The following BCAS1 variants were observed in gnomAD, a reference collection of about 807,000 sequenced individuals.
BCAS1 encodes brain enriched myelin associated protein 1, also known as breast carcinoma-amplified sequence 1.
In BCAS1, 46 loss-of-function variants were observed where a neutral mutation model predicts 65.4. That is an observed-to-expected ratio of 0.70 (90% CI 0.55 to 0.90). BCAS1 has a LOEUF of 0.90. BCAS1 is among the 40% of genes least tolerant of loss of function. The probability of loss-of-function intolerance (pLI) is 0.00; values close to 1 mark genes in which losing one functional copy is unlikely to be tolerated. For synonymous variants in BCAS1, 298 were observed against 293.5 expected (o/e 1.02, Z -0.16); for missense variants, 793 against 771.2 (o/e 1.03, Z -0.33).
chr20:54,051,331 G>T (rs952496671), intron 3 of BCAS1, among the ~76,000 whole-genome samples: 1 of 152,160 alleles, frequency 6.6e-6, no homozygotes, highest in African/African-American at 2.4e-5. Flanking sequence ...GCAACAGGAG[G>T]GTGATGTGCT....
In BCAS1 at chr20:54,011,677, C is replaced by A. The variant is rs374250344; in HGVS notation, c.724-15627G>T. On this transcript the variant is annotated intron_variant, in intron 4 of 12. Coordinates refer to ENST00000688948, the MANE Select transcript of BCAS1 (RefSeq NM_001366298.2). ...TGGTAGAAATGTAAAGGGATACAGG[C>A]AGAATAGAAAACAGTTAGACAGTTT... Among the ~76,000 whole-genome samples the A allele has an allele frequency of 3.9e-5, 6 of 152,208 alleles. No individual in the cohort carries two copies. The South Asian group carries it at 1.2e-3, about 32-fold the overall frequency.
At chr20:54,048,251 A>G (rs2092146733) in intron 3 of BCAS1, among the ~76,000 whole-genome samples, 1 of 152,160 alleles carries the variant, frequency 6.6e-6, no homozygotes, top group African/African-American at 2.4e-5. Flanking sequence ...GATATGAACT[A>G]CTTTCCTTTG....
chr20:53,974,992 A>G (rs553676976), intron 9 of BCAS1, among the ~76,000 whole-genome samples: 20 of 152,276 alleles, frequency 1.3e-4, no homozygotes, highest in African/African-American at 4.1e-4. Context: ...TGCCCTGGGT[A>G]CCGCCCAAAG....
chr20:54,058,678 T>G lies in BCAS1; in HGVS notation c.41A>C (p.Gln14Pro), dbSNP rs2092335769. The G allele has an allele frequency of 1.2e-6, 2 of 1,611,854 alleles. No homozygotes were observed. The highest frequency in any genetic ancestry group is 4.5e-5 in the East Asian group (2 of 44,754). ...AGTCTCTGCTTCTGGTTCATTCTCT[T>G]GGTCTTCAACTCTTTGGGGAACACT... is the stretch of plus-strand genomic sequence containing the variant. ...QMSVPQRVED[Q>P]ENEPEAETYQ... The change falls in exon 2 of 13, where the codon CAA becomes CCA. Residue 14 changes from glutamine to proline, a missense_variant. Gln to Pro is a moderately conservative substitution (Grantham distance 76). Transcript: ENST00000688948.
At chr20:53,961,943 T>C (rs1475853584) in intron 10 of BCAS1, among the ~76,000 whole-genome samples, 1 of 152,192 alleles carries the variant, frequency 6.6e-6, no homozygotes, top group Non-Finnish European at 1.5e-5. Context: ...AGATACTGCG[T>C]GCAAAGTGCC....
chr20:54,065,865 C>T (rs2092434304), intron 1 of BCAS1, among the ~76,000 whole-genome samples: 1 of 152,050 alleles, frequency 6.6e-6, no homozygotes, highest in Non-Finnish European at 1.5e-5. Flanking sequence ...GGGTGTGGCC[C>T]ATGTGTTGTA....
At chr20:53,975,281 A>T in intron 9 of BCAS1, 108 bp downstream of exon 9, 1 of 916,944 alleles carries the variant, frequency 1.1e-6, no homozygotes, top group Non-Finnish European at 1.7e-6. Flanking sequence ...CAAACGAATC[A>T]CACTGGCAGC....
chr20:54,019,535 C>A (rs1359197048), intron 4 of BCAS1, among the ~76,000 whole-genome samples: 2 of 152,138 alleles, frequency 1.3e-5, no homozygotes, highest in Admixed American at 6.5e-5. Context: ...TTGAAGGATG[C>A]CTAGATGGCT....
chr20:53,945,327 TA>T (rs2089277165), intron 12 of BCAS1, among the ~76,000 whole-genome samples: 1 of 152,194 alleles, frequency 6.6e-6, no homozygotes, highest in Admixed American at 6.5e-5. Context: ...ACTTAGTACC[TA>T]GGGGGTACTA....
At chr20:54,050,401 T>C (rs1025201315) in intron 3 of BCAS1, among the ~76,000 whole-genome samples, 11 of 152,204 alleles carry the variant, frequency 7.2e-5, no homozygotes, top group Admixed American at 6.5e-4. Context: ...TTAGCTATAA[T>C]ACTCTGTGGT....
At chr20:54,040,831 T>A (rs2299706) in intron 3 of BCAS1, among the ~76,000 whole-genome samples, 20,915 of 151,146 alleles carry the variant, frequency 0.14, 2,335 homozygotes, top group Non-Finnish European at 0.17. Context: ...AGCAATTCCA[T>A]TCCTAGGTAA....
In BCAS1 at chr20:54,039,015, T is replaced by C. The variant is rs1045588709; in HGVS notation, c.143-10043A>G. On this transcript the variant is annotated intron_variant, in intron 3 of 12. Coordinates refer to ENST00000688948, the MANE Select transcript of BCAS1 (RefSeq NM_001366298.2). The stretch of plus-strand genomic sequence containing the variant: ...GTTCTTCAAAAGAGTTATATTAGAA[T>C]ATCAAAAGATTATGTTAGGCCTTTG... Among the ~76,000 whole-genome samples the C allele has an allele frequency of 2.0e-5, 3 of 151,360 alleles. 1 individual carries two copies. The highest frequency in any genetic ancestry group is 4.4e-5 in the Non-Finnish European group (3 of 67,608).
chr20:53,987,530 A>T (rs747076111), intron 7 of BCAS1, among the ~76,000 whole-genome samples: 3 of 152,236 alleles, frequency 2.0e-5, no homozygotes, highest in Non-Finnish European at 4.4e-5. Flanking sequence ...TTTTTCAGAA[A>T]ATAAGAGAAA....
rs368654368 is a variant in BCAS1, at chr20:53,957,544, G to A, written c.1486-47C>T. On this transcript the variant is annotated intron_variant, in intron 10 of 12. Transcript: ENST00000688948. ...GGCCTTCAGCCACAAGTACAGTGACGTGGAGAATGCAAGAAAGTTCTGAAA... is the reference window on the plus strand; with the variant it reads ...GGCCTTCAGCCACAAGTACAGTGACATGGAGAATGCAAGAAAGTTCTGAAA... The A allele has an allele frequency of 5.7e-5, 88 of 1,549,378 alleles. 1 individual carries two copies. Among genetic ancestry groups the A allele is most frequent in the South Asian group, 5.2e-4 (47 of 89,742 alleles).
chr20:53,982,733 T>C (rs193233382), intron 8 of BCAS1, among the ~76,000 whole-genome samples: 23 of 152,344 alleles, frequency 1.5e-4, no homozygotes, highest in South Asian at 8.3e-4. Flanking sequence ...CTCATTTTGC[T>C]TTCTGCTAGA....
chr20:54,070,077 C>A (rs1179763674), intron 1 of BCAS1, among the ~76,000 whole-genome samples: 1 of 152,166 alleles, frequency 6.6e-6, no homozygotes, highest in Non-Finnish European at 1.5e-5. Flanking sequence ...CTTGCCCTGA[C>A]GGATCCCCAA....
intron 4 of BCAS1, among the ~76,000 whole-genome samples, chr20:54,007,185 G>A (rs779016802): frequency 1.3e-5 from 2 of 152,160 alleles, no homozygotes; most frequent in Non-Finnish European, 2.9e-5. Flanking sequence ...TAGGTTGCCC[G>A]CAGCTCCTGT....
intron 3 of BCAS1, among the ~76,000 whole-genome samples, chr20:54,037,600 T>C (rs2091921256): frequency 6.6e-6 from 1 of 151,614 alleles, no homozygotes; most frequent in Admixed American, 6.6e-5. Flanking sequence ...TGGATAAATG[T>C]CTATAACAAG....
At chr20:53,967,806 C>G (rs1248842682) in intron 9 of BCAS1, among the ~76,000 whole-genome samples, 1 of 152,240 alleles carries the variant, frequency 6.6e-6, no homozygotes, top group African/African-American at 2.4e-5. Context: ...AACTTGTGTT[C>G]TTTTGCAGTG....
Sources: allele counts gnomAD v4.1 joint callset (sites outside exome capture counted in the v4.1 genomes callset), GRCh38; gene constraint gnomAD v4.1.1; transcripts MANE v1.5; gene names NCBI Gene and HGNC (gene_info 2026-07-23, HGNC 2026-07-21).